Variants in C1orf21 observed in about 807,000 individuals in gnomAD.
C1orf21 encodes the protein uncharacterized protein C1orf21.
Under a neutral mutation model 18.7 loss-of-function variants are expected in C1orf21, and 3 were observed. The observed-to-expected ratio is 0.16, with a 90% CI of 0.07 to 0.42. The LOEUF (loss-of-function observed/expected upper bound fraction) is 0.42, where lower values mean the gene tolerates loss of function less well. Ranked by LOEUF, C1orf21 falls within the 10% of genes least tolerant of loss-of-function variation. C1orf21 has a pLI of 0.99. For synonymous variants in C1orf21, 41 were observed against 46.4 expected (o/e 0.88, Z 0.47); for missense variants, 104 against 143.6 (o/e 0.72, Z 1.41).
intron 1 of C1orf21, among the ~76,000 whole-genome samples, chr1:184,427,984 AG>A (rs1656668457): frequency 6.6e-6 from 1 of 152,182 alleles, no homozygotes; most frequent in African/African-American, 2.4e-5. Flanking sequence ...AAACAAGATC[AG>A]GTTGCTCAAT....
chr1:184,624,872 G>T lies in C1orf21; in HGVS notation c.*5316G>T. The T allele has an allele frequency of 6.6e-6, 1 of 152,144 alleles. No homozygotes were observed. Among genetic ancestry groups the T allele is most frequent in the Non-Finnish European group, 1.5e-5 (1 of 68,024 alleles). The allele number at this position is 152,144 out of a possible 1,614,324, so 9.4% of individuals were successfully genotyped here. On this transcript the variant is annotated 3_prime_UTR_variant, in exon 6 of 6. Transcript: ENST00000235307. ...GATGACTCATGTCTCCATAGCAACTGTTAAAGGTGCTGCCTAGACGGGACC... is the reference window on the plus strand; with the variant it reads ...GATGACTCATGTCTCCATAGCAACTTTTAAAGGTGCTGCCTAGACGGGACC...
intron 1 of C1orf21, among the ~76,000 whole-genome samples, chr1:184,441,725 TC>T: frequency 1.3e-5 from 2 of 152,352 alleles, no homozygotes; most frequent in Middle Eastern, 6.8e-3. Flanking sequence ...AATTTACAAT[TC>T]TAAATTGATT....
intron 3 of C1orf21, among the ~76,000 whole-genome samples, chr1:184,571,038 A>C (rs1257923953): frequency 1.3e-5 from 2 of 152,216 alleles, no homozygotes; most frequent in Non-Finnish European, 2.9e-5. Context: ...TCACGCCTGT[A>C]ATCCCAGCAC....
chr1:184,503,886 G>A (rs1015356858), intron 2 of C1orf21, among the ~76,000 whole-genome samples: 1 of 152,142 alleles, frequency 6.6e-6, no homozygotes, highest in Non-Finnish European at 1.5e-5. Context: ...TTATTAAAAA[G>A]TTAAAAATTT....
intron 3 of C1orf21, among the ~76,000 whole-genome samples, chr1:184,556,633 A>G (rs1658883667): frequency 1.3e-5 from 2 of 152,208 alleles, no homozygotes; most frequent in South Asian, 4.1e-4. Flanking sequence ...TAAAGCTATT[A>G]TGTTTTATTT....
At chr1:184,397,096 G>A (rs2101955070) in intron 1 of C1orf21, among the ~76,000 whole-genome samples, 1 of 152,294 alleles carries the variant, frequency 6.6e-6, no homozygotes, top group South Asian at 2.1e-4. Context: ...GATAGAAAAG[G>A]ATGGTGAAGG....
chr1:184,611,166 G>A lies in C1orf21; in HGVS notation c.328-8352G>A, dbSNP rs532258186. ...ATTAGAGACGGAGAAAGCCATTAAT[G>A]CCTCGATTGATTTTTCTAATGAAGT... On this transcript the variant is annotated intron_variant, in intron 5 of 5. Coordinates refer to ENST00000235307, the MANE Select transcript of C1orf21 (RefSeq NM_030806.4). 2.6e-5 allele frequency among the ~76,000 whole-genome samples: 4 copies of A among 152,308 alleles called. No homozygotes were observed. In the East Asian group the frequency reaches 7.7e-4, roughly 29 times the overall value.
In C1orf21 at chr1:184,624,472, C is replaced by T. The variant is rs762493376; in HGVS notation, c.*4916C>T. On this transcript the variant is annotated 3_prime_UTR_variant, in exon 6 of 6. Transcript: ENST00000235307. ...GGCTTTCGAGTGCTGTGATTTCTTT[C>T]CTGGGTTCCCAAGTCTTGTTGTTTC... 4 of 152,200 alleles carry T rather than the reference C, an allele frequency of 2.6e-5. No individual in the cohort carries two copies. Among genetic ancestry groups the T allele is most frequent in the Non-Finnish European group, 5.9e-5 (4 of 68,042 alleles). The allele number at this position is 152,200 out of a possible 1,614,324, so 9.4% of individuals were successfully genotyped here.
chr1:184,586,372 C>A (rs1340048793), intron 3 of C1orf21, among the ~76,000 whole-genome samples: 32 of 151,330 alleles, frequency 2.1e-4, no homozygotes, highest in Non-Finnish European at 4.1e-4. Flanking sequence ...AGGCTCCGCC[C>A]CCTGGGGTTC....
chr1:184,481,788 G>C (rs574309743), intron 2 of C1orf21, among the ~76,000 whole-genome samples: 7 of 152,314 alleles, frequency 4.6e-5, no homozygotes, highest in African/African-American at 1.7e-4. Context: ...AATGGGGAGA[G>C]AACTTCACCA....
chr1:184,533,108 C>G (rs1658492014), intron 3 of C1orf21, among the ~76,000 whole-genome samples: 1 of 152,062 alleles, frequency 6.6e-6, no homozygotes, highest in African/African-American at 2.4e-5. Context: ...ATAACCTGAG[C>G]AGGGATGACC....
At chr1:184,500,367 G>C (rs184589759) in intron 2 of C1orf21, among the ~76,000 whole-genome samples, 2 of 152,286 alleles carry the variant, frequency 1.3e-5, no homozygotes, top group East Asian at 3.9e-4. Flanking sequence ...TCAGGAATGG[G>C]GCCTGCAGGT....
chr1:184,400,421 T>G (rs1223699596), intron 1 of C1orf21, among the ~76,000 whole-genome samples: 4 of 152,198 alleles, frequency 2.6e-5, no homozygotes, highest in Non-Finnish European at 1.5e-5. Context: ...TATGTGTAGG[T>G]ATGATATATA....
chr1:184,527,565 C>G (rs551590966), intron 3 of C1orf21, among the ~76,000 whole-genome samples: 4 of 152,098 alleles, frequency 2.6e-5, no homozygotes, highest in Non-Finnish European at 4.4e-5. Context: ...AGGGTGTCCA[C>G]CCAGAACTGT....
chr1:184,484,209 G>A (rs1027740304), intron 2 of C1orf21, among the ~76,000 whole-genome samples: 32 of 152,028 alleles, frequency 2.1e-4, no homozygotes, highest in Non-Finnish European at 2.5e-4. Context: ...GATTACAGGC[G>A]CAGCCTTGTT....
At chr1:184,590,554 C>T (rs1194401474) in intron 3 of C1orf21, among the ~76,000 whole-genome samples, 185 bp from the exon 4 acceptor site, 1 of 152,196 alleles carries the variant, frequency 6.6e-6, no homozygotes, top group African/African-American at 2.4e-5. Flanking sequence ...CATAGCAGTG[C>T]TCCCTGTTTG....
chr1:184,405,992 C>T (rs1656242263), intron 1 of C1orf21, among the ~76,000 whole-genome samples: 3 of 152,134 alleles, frequency 2.0e-5, no homozygotes, highest in Non-Finnish European at 4.4e-5. Flanking sequence ...TTTATATCTT[C>T]CTTCTATTTT....
intron 2 of C1orf21, among the ~76,000 whole-genome samples, chr1:184,485,036 T>C (rs1657713315): frequency 6.6e-6 from 1 of 152,158 alleles, no homozygotes; most frequent in East Asian, 1.9e-4. Context: ...TTAAAAGCAC[T>C]TGGAGGCAAA....
At chr1:184,513,969 C>G (rs1571393871) in intron 3 of C1orf21, among the ~76,000 whole-genome samples, 1 of 152,120 alleles carries the variant, frequency 6.6e-6, no homozygotes, top group Admixed American at 6.5e-5. Context: ...TCAGTGGTTC[C>G]TTGCTTAAAG....
Sources: gnomAD v4.1 joint callset for allele counts (sites outside exome capture counted in the v4.1 genomes callset) on GRCh38, gnomAD v4.1.1 for gene constraint, MANE v1.5 for transcripts, NCBI Gene and HGNC (gene_info 2026-07-23, HGNC 2026-07-21) for gene names.